Variants in PTPRC observed in about 807,000 individuals in gnomAD.
The protein encoded by PTPRC is protein tyrosine phosphatase receptor type C.
A neutral mutation model predicts 155.9 loss-of-function variants in PTPRC; 44 were observed. The observed-to-expected ratio is 0.28, with a 90% CI of 0.22 to 0.36. The LOEUF (loss-of-function observed/expected upper bound fraction) is 0.36, where lower values mean the gene tolerates loss of function less well. Ranked by LOEUF, PTPRC falls within the 10% of genes least tolerant of loss-of-function variation. PTPRC has a pLI of 1.00. For missense variants in PTPRC, 1,401 were observed against 1,564.6 expected, an observed-to-expected ratio of 0.90 and a Z score of 1.76; for synonymous variants, 525 against 533.1, an observed-to-expected ratio of 0.98 and a Z score of 0.21.
chr1:198,642,911 T>TCTTTCTTC (rs1557960165), intron 2 of PTPRC, among the ~76,000 whole-genome samples: 12 of 122,028 alleles, frequency 9.8e-5, no homozygotes, highest in African/African-American at 3.8e-4. Context: ...TTTCTTCCTT[T>TCTTTCTTC]CTTTCTTTCT....
intron 2 of PTPRC, chr1:198,679,571 C>T: frequency 5.3e-6 from 1 of 187,618 alleles, no homozygotes; most frequent in South Asian, 1.0e-4. Flanking sequence ...CCCGGCCAAG[C>T]TCGAACTTTT....
chr1:198,672,735 A>G (rs1664720109), intron 2 of PTPRC, among the ~76,000 whole-genome samples: 1 of 151,926 alleles, frequency 6.6e-6, no homozygotes, highest in Admixed American at 6.6e-5. Flanking sequence ...TGATCTACCA[A>G]TCTTGGCTAC....
chr1:198,682,199 T>G (rs900878949), intron 2 of PTPRC, among the ~76,000 whole-genome samples: 1 of 152,244 alleles, frequency 6.6e-6, no homozygotes, highest in African/African-American at 2.4e-5. Flanking sequence ...CTGGGTTCCT[T>G]TAATGATTTT....
At chr1:198,712,799 CAAATT>C in intron 11 of PTPRC, 149 bp from the exon 12 acceptor site, 1 of 836,952 alleles carries the variant, frequency 1.2e-6, no homozygotes, top group Non-Finnish European at 1.9e-6. Context: ...TACTCTAAAA[CAAATT>C]AAATGAGCCC....
intron 2 of PTPRC, among the ~76,000 whole-genome samples, chr1:198,672,582 G>A (rs1664707218): frequency 6.6e-6 from 1 of 151,880 alleles, no homozygotes. Context: ...CGACTCTCCT[G>A]TCTCAGTCTC....
At chr1:198,699,527 G>A in intron 4 of PTPRC, 37 bp from the exon 5 acceptor site, 1 of 1,613,396 alleles carries the variant, frequency 6.2e-7, no homozygotes, top group Non-Finnish European at 8.5e-7. Context: ...CTCCAGTGGG[G>A]GAAGACTGAT....
intron 2 of PTPRC, among the ~76,000 whole-genome samples, chr1:198,644,265 A>G (rs181934642): frequency 1.6e-3 from 239 of 152,044 alleles, no homozygotes; most frequent in African/African-American, 5.6e-3. Context: ...ACTCAATCCC[A>G]TAGCAGTGGC....
chr1:198,756,086 GA>G lies in PTPRC; in HGVS notation c.3828del (p.Glu1276AspfsTer27). The G allele has an allele frequency of 1.2e-6, 2 of 1,613,424 alleles. No individual in the cohort carries two copies. Among genetic ancestry groups the G allele is most frequent in the Non-Finnish European group, 1.7e-6 (2 of 1,179,676 alleles). Reference sequence around the variant, plus strand: ...CCCAGAAAAGCTCCCTGAAGCAAAGGAACAGGCTGAAGGTTCTGAACCCACG... The same window carrying G: ...CCCAGAAAAGCTCCCTGAAGCAAAGGACAGGCTGAAGGTTCTGAACCCACG... ...GAPEKLPEAKEQAEGSEPTSG... is the reference protein window; with the variant it reads ...GAPEKLPEAKXQAEGSEPTSG... On this transcript the variant is annotated frameshift_variant, in exon 33 of 33. Coordinates refer to ENST00000442510, the MANE Select transcript of PTPRC (RefSeq NM_002838.5). LOFTEE classifies it low-confidence loss of function (END_TRUNC).
At chr1:198,749,872 T>A (rs921404621) in intron 28 of PTPRC, among the ~76,000 whole-genome samples, 2 of 151,880 alleles carry the variant, frequency 1.3e-5, no homozygotes, top group Non-Finnish European at 2.9e-5. Context: ...CATACTCAGA[T>A]ACCCAAATTG....
chr1:198,699,362 C>T (rs1351826382), intron 4 of PTPRC, among the ~76,000 whole-genome samples: 1 of 152,148 alleles, frequency 6.6e-6, no homozygotes, highest in African/African-American at 2.4e-5. Context: ...AGGAAACCTC[C>T]CAAGGCTATG....
At chr1:198,752,924 A>G (rs1655454390) in intron 31 of PTPRC, 152 bp downstream of exon 31, 1 of 772,112 alleles carries the variant, frequency 1.3e-6, no homozygotes, top group African/African-American at 1.7e-5. Flanking sequence ...TGTTTCCACA[A>G]CACAACTATT....
chr1:198,677,603 T>C (rs1220373436), intron 2 of PTPRC, among the ~76,000 whole-genome samples: 7 of 152,158 alleles, frequency 4.6e-5, no homozygotes, highest in African/African-American at 1.7e-4. Flanking sequence ...TCCTCCCTGC[T>C]TCCATAGAAA....
At chr1:198,747,638 CTAAT>C (rs755588942) in intron 26 of PTPRC, among the ~76,000 whole-genome samples, 1 of 151,752 alleles carries the variant, frequency 6.6e-6, no homozygotes, top group Admixed American at 6.6e-5. Flanking sequence ...TCTTTTCTGA[CTAAT>C]TAGGAACTGT....
chr1:198,747,309 C>A (rs181892535), intron 26 of PTPRC, among the ~76,000 whole-genome samples: 1 of 150,468 alleles, frequency 6.6e-6, no homozygotes, highest in African/African-American at 2.4e-5. Flanking sequence ...TTGGCCCTTC[C>A]AAGAATTGAG....
In PTPRC at chr1:198,742,245, C is replaced by T; in HGVS notation, c.2575C>T (p.Arg859Cys). Reference sequence around the variant, plus strand: ...TTGGTTTGCCAGTGCTGGTGTTGGGCGCACAGGAACCTATATCGGAATTGA... The same window carrying T: ...TTGGTTTGCCAGTGCTGGTGTTGGGTGCACAGGAACCTATATCGGAATTGA... ...IVVHCSAGVG[R>C]TGTYIGIDAM... is the part of the protein sequence containing the mutation. The change falls in exon 25 of 33, where the codon CGC becomes TGC. Residue 859 changes from arginine (R) to cysteine (C), a missense_variant. By Grantham distance (180) the Arg-to-Cys change is radical (BLOSUM62 -3). This residue lies in a region of PTPRC where 134 missense variants were observed against 204.7 expected (regional missense o/e 0.65). Transcript: ENST00000442510. The T allele has an allele frequency of 6.2e-7, 1 of 1,612,052 alleles. No individual in the cohort carries two copies. Among genetic ancestry groups the T allele is most frequent in the Non-Finnish European group, 8.5e-7 (1 of 1,178,808 alleles).
chr1:198,686,410 AT>A (rs1431607330), intron 2 of PTPRC, among the ~76,000 whole-genome samples: 8 of 152,196 alleles, frequency 5.3e-5, no homozygotes, highest in Non-Finnish European at 4.4e-5. Flanking sequence ...AGAAAATTTC[AT>A]CCCTAGAAGA....
intron 13 of PTPRC, among the ~76,000 whole-genome samples, chr1:198,717,325 A>G (rs1288389849): frequency 6.6e-6 from 1 of 152,202 alleles, no homozygotes; most frequent in Admixed American, 6.5e-5. Flanking sequence ...ATGTCACATT[A>G]TCCATTTAAG....
chr1:198,648,544 G>A (rs551138193), intron 2 of PTPRC, among the ~76,000 whole-genome samples: 1 of 151,826 alleles, frequency 6.6e-6, no homozygotes, highest in African/African-American at 2.4e-5. Flanking sequence ...GGACTGAATG[G>A]GAGCTGGTAA....
chr1:198,721,296 T>C (rs1186698959), intron 14 of PTPRC, among the ~76,000 whole-genome samples: 1 of 152,186 alleles, frequency 6.6e-6, no homozygotes, highest in Non-Finnish European at 1.5e-5. Context: ...TACTTTTCCA[T>C]AGATTTATTT....
Sources: gnomAD v4.1 joint callset for allele counts (sites outside exome capture counted in the v4.1 genomes callset) on GRCh38, gnomAD v4.1.1 for gene constraint, gnomAD v4.1.1 regional missense constraint, MANE v1.5 for transcripts, NCBI Gene and HGNC (gene_info 2026-07-23, HGNC 2026-07-21) for gene names.